SAMD9L: variants seen among roughly 807,000 people sequenced by gnomAD.
SAMD9L encodes the protein sterile alpha motif domain containing 9 like.
In SAMD9L, 68 loss-of-function variants were observed where a neutral mutation model predicts 90.7. The observed-to-expected ratio is 0.75, with a 90% confidence interval of 0.62 to 0.92. The LOEUF is 0.92. Ranked by LOEUF, SAMD9L falls within the 40% of genes least tolerant of loss-of-function variation. SAMD9L has a pLI of 0.00. For synonymous variants in SAMD9L, 640 were observed against 630.1 expected (o/e 1.02, Z -0.23); for missense variants, 1,604 against 1,824.3 (o/e 0.88, Z 2.20).
At position 93,132,631 on chromosome 7, in the gene SAMD9L, G is replaced by A. The variant is rs1455367175; in HGVS notation, c.3341C>T (p.Pro1114Leu). The change falls in exon 5 of 5, where the codon CCT becomes CTT. Residue 1114 changes from proline to leucine, a missense_variant. Physicochemically the swap from Pro to Leu is moderately conservative, Grantham distance 98 (BLOSUM62 -3). Coordinates refer to ENST00000318238, the MANE Select transcript of SAMD9L (RefSeq NM_152703.5). The part of the protein sequence containing the change: ...DWARQAKMKA[P>L]KNSYISDTLG... ...TGTATCTGAAATATAGGAATTTTTA[G>A]GTGCTTTCATTTTGGCCTGACGTGC... The A allele has an allele frequency of 6.2e-7, 1 of 1,613,366 alleles. No homozygotes were observed. Among genetic ancestry groups the A allele is most frequent in the Non-Finnish European group, 8.5e-7 (1 of 1,179,752 alleles).
In SAMD9L at chr7:93,135,238, G is replaced by A; in HGVS notation, c.734C>T (p.Pro245Leu). Residue 245 changes from proline (P) to leucine (L), a missense_variant, in exon 5 of 5, where the codon CCC becomes CTC. By Grantham distance (98) the Pro-to-Leu change is moderately conservative. This residue lies in a region of SAMD9L where 374 missense variants were observed against 363.6 expected (regional missense o/e 1.03). Transcript: ENST00000318238. Reference protein sequence around the residue: ...GTIHFGVKDKPHGEIVGVKIT... With the variant: ...GTIHFGVKDKLHGEIVGVKIT... ...TTTCACACCAACAATTTCTCCATGG[G>A]GTTTGTCCTTGACTCCAAAATGGAT... is the stretch of plus-strand genomic sequence containing the variant. The A allele has an allele frequency of 1.2e-6, 2 of 1,614,030 alleles. No homozygotes were observed. Among genetic ancestry groups the A allele is most frequent in the African/African-American group, 2.7e-5 (2 of 75,024 alleles).
intron 4 of SAMD9L, among the ~76,000 whole-genome samples, chr7:93,139,153 C>G (rs752435527): frequency 8.5e-5 from 13 of 152,068 alleles, no homozygotes. Flanking sequence ...TCCTCAGATA[C>G]CATTTCTGTC....
At position 93,132,520 on chromosome 7, in the gene SAMD9L, TGTGTTAGG is replaced by T. The variant is rs750893588; in HGVS notation, c.3444_3451del (p.Asp1148GlufsTer21). 2 of 1,613,918 alleles carry T rather than the reference TGTGTTAGG, an allele frequency of 1.2e-6. No individual in the cohort carries two copies. The highest frequency in any genetic ancestry group is 1.7e-6 in the Non-Finnish European group (2 of 1,179,824). On this transcript the variant is annotated frameshift_variant, in exon 5 of 5. Transcript: ENST00000318238. LOFTEE classifies it high-confidence loss of function. The stretch of plus-strand genomic sequence containing the variant: ...GGCTTTTTCCGCAGCTTCTAGGAGA[TGTGTTAGG>T]TCATTAACAGTAATGCTCCTACAGT...
intron 4 of SAMD9L, among the ~76,000 whole-genome samples, chr7:93,143,759 A>C (rs150050076): frequency 1.9e-3 from 287 of 152,328 alleles, no homozygotes; most frequent in African/African-American, 6.6e-3. Flanking sequence ...TTTCATGTGA[A>C]TTTTGCCCTC....
Position 93,142,369 on chromosome 7 carries a change from G to A in SAMD9L, c.-21+2363C>T, listed in dbSNP as rs1249172311. ...CACTCAATAAATATTTGTTGAATGA[G>A]GAAATTAACATTTTTAGATTAGTGA... On this transcript the variant is annotated intron_variant, in intron 4 of 4. Transcript: ENST00000318238. Among the ~76,000 whole-genome samples, 5 of 152,122 alleles carry A rather than the reference G, an allele frequency of 3.3e-5. No homozygotes were observed. The South Asian group carries it at 1.0e-3, about 32-fold the overall frequency.
chr7:93,143,080 T>C (rs1426389268), intron 4 of SAMD9L, among the ~76,000 whole-genome samples: 3 of 152,216 alleles, frequency 2.0e-5, no homozygotes, highest in African/African-American at 7.2e-5. Context: ...TGTCTTTGTG[T>C]TACCTGACAG....
intron 4 of SAMD9L, among the ~76,000 whole-genome samples, chr7:93,137,667 A>T (rs1388476220): frequency 6.6e-6 from 1 of 151,972 alleles, no homozygotes; most frequent in Non-Finnish European, 1.5e-5. Context: ...CCTGGTTCCA[A>T]AAAGATTGGG....
chr7:93,132,009 T>C lies in SAMD9L; in HGVS notation c.3963A>G (p.Gln1321=), dbSNP rs773222187. Residue 1321 remains glutamine (Q), a synonymous_variant, in exon 5 of 5, where the codon CAA becomes CAG. Coordinates refer to ENST00000318238, the MANE Select transcript of SAMD9L (RefSeq NM_152703.5). ...TCCTGCAATTCTCCTCCTGGAGTAA[T>C]TGACTCTCTTTACTTTGTAATAGAC... ...DPCLLQSKES[Q]LLQEENCRKK... is the part of the protein sequence containing the mutation. The C allele has an allele frequency of 2.5e-6, 4 of 1,613,142 alleles. No homozygotes were observed. The South Asian group carries it at 4.4e-5, about 18-fold the overall frequency.
Position 93,132,481 on chromosome 7 carries a change from T to C in SAMD9L, c.3491A>G (p.Lys1164Arg). Residue 1164 changes from lysine to arginine, a missense_variant, in exon 5 of 5, where the codon AAA becomes AGA. Around this residue, in one of 7 missense-constraint regions of SAMD9L, gnomAD observed 302 missense variants for 314.7 expected, o/e 0.96. Coordinates refer to ENST00000318238, the MANE Select transcript of SAMD9L (RefSeq NM_152703.5). The stretch of plus-strand genomic sequence containing the variant: ...ACTATCAGTTTGCCTTTGGGATTCT[T>C]TGAAAGCTCTTGAGGCTTTTTCCGC... ...EAAEKASRAF[K>R]ESQRQTDSKN... The C allele has an allele frequency of 6.2e-7, 1 of 1,613,866 alleles. No individual in the cohort carries two copies. The highest frequency in any genetic ancestry group is 8.5e-7 in the Non-Finnish European group (1 of 1,179,840).
chr7:93,141,713 T>C (rs75668097), intron 4 of SAMD9L, among the ~76,000 whole-genome samples: 5,439 of 152,272 alleles, frequency 0.036, 302 homozygotes, highest in African/African-American at 0.12. Flanking sequence ...GGATTATTTT[T>C]GTTACCTGGT....
intron 1 of SAMD9L, among the ~76,000 whole-genome samples, chr7:93,147,411 TCA>T (rs1231591464): frequency 6.6e-6 from 1 of 152,222 alleles, no homozygotes; most frequent in East Asian, 1.9e-4. Context: ...CCTCAACACT[TCA>T]GTTTTCTCTC....
Position 93,131,239 on chromosome 7 carries a change from G to A in SAMD9L, c.4733C>T (p.Ala1578Val). The A allele has an allele frequency of 2.6e-6, 4 of 1,567,856 alleles. No homozygotes were observed. The highest frequency in any genetic ancestry group is 3.4e-6 in the Non-Finnish European group (4 of 1,160,468). ...YLGFSIEGPLAYDIEVI is the reference protein window; with the variant it reads ...YLGFSIEGPLVYDIEVI ...GTCTTAAATTACTTCTATATCATAT[G>A]CCAGAGGGCCTTCAATGGAAAATCC... is the stretch of plus-strand genomic sequence containing the variant. Residue 1578 changes from alanine (A) to valine (V), a missense_variant, in exon 5 of 5, where the codon GCA becomes GTA. By Grantham distance (64) the Ala-to-Val change is moderately conservative (BLOSUM62 0). Transcript: ENST00000318238.
At chr7:93,140,746 C>A (rs1358220090) in intron 4 of SAMD9L, among the ~76,000 whole-genome samples, 3 of 152,234 alleles carry the variant, frequency 2.0e-5, no homozygotes, top group African/African-American at 7.2e-5. Context: ...GTTCTGCCCA[C>A]ATGCCTAGTG....
In SAMD9L at chr7:93,131,646, A is replaced by G. The variant is rs779138290; in HGVS notation, c.4326T>C (p.Asp1442=). ...LLFWPENQEL[D]QDSKLIEKYV... is the part of the protein sequence containing the mutation. ...ACTTTTCTATTAGTTTGGAATCTTG[A>G]TCTAGCTCTTGATTTTCTGGCCAGA... The change falls in exon 5 of 5, where the codon GAT becomes GAC. Residue 1442 remains aspartate (D), a synonymous_variant. Coordinates refer to ENST00000318238, the MANE Select transcript of SAMD9L (RefSeq NM_152703.5). 3 of 1,613,892 alleles carry G rather than the reference A, an allele frequency of 1.9e-6. No homozygotes were observed. In the East Asian group the frequency reaches 6.7e-5, roughly 36 times the overall value.
At position 93,134,905 on chromosome 7, in the gene SAMD9L, G is replaced by A; in HGVS notation, c.1067C>T (p.Ser356Phe). 1 of 1,613,938 alleles carries A rather than the reference G, an allele frequency of 6.2e-7. No individual in the cohort carries two copies. Among genetic ancestry groups the A allele is most frequent in the South Asian group, 1.1e-5 (1 of 91,074 alleles). ...CTTGAAATCTACATCCCGTTGCTTG[G>A]AATTGGCCAGGATATCCCTAGAGCT... ...GASSRDILAN[S>F]KQRDVDFKAF... Residue 356 changes from serine (S) to phenylalanine (F), a missense_variant, in exon 5 of 5, where the codon TCC becomes TTC. Ser to Phe is a radical substitution (Grantham distance 155). Transcript: ENST00000318238.
intron 2 of SAMD9L, among the ~76,000 whole-genome samples, 187 bp from the exon 3 acceptor site, chr7:93,146,227 T>G (rs73218015): frequency 0.025 from 3,791 of 152,252 alleles, 78 homozygotes; most frequent in Non-Finnish European, 0.038. Context: ...TGCCCCTGTT[T>G]CCAGCCACTA....
chr7:93,138,331 C>A (rs908955215), intron 4 of SAMD9L, among the ~76,000 whole-genome samples: 1 of 152,012 alleles, frequency 6.6e-6, no homozygotes, highest in Non-Finnish European at 1.5e-5. Flanking sequence ...CAATTATGTA[C>A]CAGGCATCAT....
intron 4 of SAMD9L, among the ~76,000 whole-genome samples, chr7:93,138,895 A>G (rs1233754851): frequency 6.6e-6 from 1 of 152,198 alleles, no homozygotes; most frequent in Non-Finnish European, 1.5e-5. Context: ...TACAAGCATT[A>G]TATAAAACCA....
At position 93,132,082 on chromosome 7, in the gene SAMD9L, C is replaced by T. The variant is rs778727687; in HGVS notation, c.3890G>A (p.Ser1297Asn). Residue 1297 changes from serine (S) to asparagine (N), a missense_variant, in exon 5 of 5, where the codon AGT becomes AAT. Ser to Asn is a conservative substitution (Grantham distance 46). Transcript: ENST00000318238. The stretch of plus-strand genomic sequence containing the variant: ...TTCTGTGTATTTCCTGAAACAACGA[C>T]TGACTTTCTTGCTTAACATGATTTC... The part of the protein sequence containing the change: ...IAEIMLSKKV[S>N]RCFRKYTELF... The T allele has an allele frequency of 3.9e-5, 63 of 1,613,670 alleles. No homozygotes were observed. In the East Asian group the frequency reaches 1.4e-3, roughly 36 times the overall value.
Sources: gnomAD v4.1 joint callset for allele counts (sites outside exome capture counted in the v4.1 genomes callset) on GRCh38, gnomAD v4.1.1 for gene constraint, gnomAD v4.1.1 regional missense constraint, MANE v1.5 for transcripts, NCBI Gene and HGNC (gene_info 2026-07-23, HGNC 2026-07-21) for gene names.